Variants in CIMAP1D observed in about 807,000 individuals in gnomAD.
CIMAP1D encodes protein CIMAP1D.
the CIMAP1D span, among the ~76,000 whole-genome samples, chr19:479,291 C>G: frequency 6.6e-6 from 1 of 152,076 alleles, no homozygotes; most frequent in African/African-American, 2.4e-5. Context: ...TCAATCGTTA[C>G]CTCCTCCTCT....
the CIMAP1D span, among the ~76,000 whole-genome samples, chr19:466,318 G>C: frequency 3.0e-5 from 4 of 131,620 alleles, no homozygotes; most frequent in Non-Finnish European, 3.3e-5. Flanking sequence ...TGGGTGGATA[G>C]ATGGTTGGGT....
At chr19:481,572 G>A in the CIMAP1D span, among the ~76,000 whole-genome samples, 18 of 145,596 alleles carry the variant, frequency 1.2e-4, no homozygotes, top group African/African-American at 4.3e-4. Context: ...GAAGGATGGT[G>A]GGAAGGATGA....
chr19:484,418 G>A, the CIMAP1D span, among the ~76,000 whole-genome samples: 1 of 152,180 alleles, frequency 6.6e-6, no homozygotes, highest in Non-Finnish European at 1.5e-5. Context: ...TGGGATTACA[G>A]GCATGAGCCA....
At chr19:466,948 G>A in the CIMAP1D span, among the ~76,000 whole-genome samples, 48 of 80,616 alleles carry the variant, frequency 6.0e-4, no homozygotes, top group Non-Finnish European at 8.2e-4. Flanking sequence ...GTGGATGGGC[G>A]GGTGGATAGA....
the CIMAP1D span, among the ~76,000 whole-genome samples, chr19:468,029 C>G: frequency 6.6e-6 from 1 of 152,126 alleles, no homozygotes; most frequent in Non-Finnish European, 1.5e-5. Flanking sequence ...CTAACCTCTG[C>G]GCAGGTGTGG....
the CIMAP1D span, among the ~76,000 whole-genome samples, chr19:481,486 T>TGGAGAAGGATGAG: frequency 3.8e-5 from 2 of 53,326 alleles, no homozygotes; most frequent in African/African-American, 1.7e-4. Context: ...GGAAGGATGA[T>TGGAGAAGGATGAG]GGGAAGGATG....
the CIMAP1D span, among the ~76,000 whole-genome samples, chr19:482,748 G>A: frequency 6.6e-6 from 1 of 152,140 alleles, no homozygotes; most frequent in Non-Finnish European, 1.5e-5. Flanking sequence ...TGTGGACCTA[G>A]GACTCAAGTC....
chr19:490,643 C>T, the CIMAP1D span, among the ~76,000 whole-genome samples: 2 of 152,334 alleles, frequency 1.3e-5, no homozygotes, highest in East Asian at 1.9e-4. Flanking sequence ...TAGCTGCGTC[C>T]GTTTCTAAGT....
At chr19:466,580 T>C in the CIMAP1D span, among the ~76,000 whole-genome samples, 2 of 130,566 alleles carry the variant, frequency 1.5e-5, no homozygotes, top group Non-Finnish European at 3.2e-5. Flanking sequence ...GGTGGGTGGA[T>C]AGATGAGTGG....
At chr19:468,708 G>A in the CIMAP1D span, among the ~76,000 whole-genome samples, 10 of 152,314 alleles carry the variant, frequency 6.6e-5, no homozygotes, top group African/African-American at 2.2e-4. Context: ...GTGTAGCAGC[G>A]TGACCGGTGT....
the CIMAP1D span, among the ~76,000 whole-genome samples, chr19:478,945 C>G: frequency 6.6e-6 from 1 of 152,264 alleles, no homozygotes; most frequent in African/African-American, 2.4e-5. Context: ...ACACAAGTTC[C>G]TCGTCCTCCC....
the CIMAP1D span, among the ~76,000 whole-genome samples, chr19:486,456 T>C: frequency 6.6e-6 from 1 of 150,488 alleles, no homozygotes; most frequent in Non-Finnish European, 1.5e-5. Flanking sequence ...CTGTTGTTTT[T>C]CTGAGATGGA....
At chr19:491,501 G>A in the CIMAP1D span, among the ~76,000 whole-genome samples, 51 of 152,222 alleles carry the variant, frequency 3.4e-4, no homozygotes, top group African/African-American at 1.2e-3. Context: ...GCTTTTGAGT[G>A]GCCCTTTGAC....
the CIMAP1D span, among the ~76,000 whole-genome samples, chr19:485,334 C>T: frequency 6.6e-6 from 1 of 152,228 alleles, no homozygotes; most frequent in Admixed American, 6.5e-5. Flanking sequence ...TGCCCGAGCC[C>T]CGTGGCGCCC....
chr19:473,356 T>C, the CIMAP1D span, among the ~76,000 whole-genome samples: 24 of 44,716 alleles, frequency 5.4e-4, no homozygotes, highest in South Asian at 1.4e-3. Flanking sequence ...CAGAGATACA[T>C]GGTCACAGAT....
the CIMAP1D span, among the ~76,000 whole-genome samples, chr19:481,416 G>C: frequency 1.0e-4 from 9 of 85,962 alleles, no homozygotes; most frequent in Admixed American, 2.6e-4. Context: ...ATGATGGGAA[G>C]GATGATGGAG....
At chr19:467,820 G>T in the CIMAP1D span, 1 of 1,150,122 alleles carries the variant, frequency 8.7e-7, no homozygotes, top group Non-Finnish European at 1.3e-6. Context: ...CTGCCCCACC[G>T]CCCGGCCTCA....
At chr19:486,169 C>T in the CIMAP1D span, among the ~76,000 whole-genome samples, 13 of 152,140 alleles carry the variant, frequency 8.5e-5, no homozygotes, top group Non-Finnish European at 1.5e-4. Flanking sequence ...ACGAGGACAC[C>T]GAAGCTCAGA....
the CIMAP1D span, among the ~76,000 whole-genome samples, chr19:486,636 C>T: frequency 5.9e-5 from 9 of 151,790 alleles, no homozygotes; most frequent in East Asian, 1.4e-3. Context: ...GAGATGGGGC[C>T]GGGAGCGGTG....
Sources: allele counts gnomAD v4.1 joint callset (sites outside exome capture counted in the v4.1 genomes callset), GRCh38; gene constraint gnomAD v4.1.1; transcripts MANE v1.5; gene names NCBI Gene and HGNC (gene_info 2026-07-23, HGNC 2026-07-21).